The following KCND2 variants were observed in gnomAD, a reference collection of about 807,000 sequenced individuals.
KCND2 encodes the protein A-type voltage-gated potassium channel KCND2.
In KCND2, 16 loss-of-function variants were observed where a neutral mutation model predicts 54.4. The observed-to-expected ratio is 0.29, with a 90% CI of 0.20 to 0.45. The LOEUF is 0.45. KCND2 is among the 20% of genes least tolerant of loss of function. The pLI is 1.00. For missense variants in KCND2, 486 were observed against 824.2 expected (o/e 0.59, Z 5.02); for synonymous variants, 317 against 310.7 (o/e 1.02, Z -0.21).
chr7:120,526,995 C>T (rs890949632), intron 1 of KCND2, among the ~76,000 whole-genome samples: 1 of 152,082 alleles, frequency 6.6e-6, no homozygotes, highest in African/African-American at 2.4e-5. Flanking sequence ...TTTTAACTTT[C>T]ATAACCAATA....
chr7:120,354,008 G>C (rs1006718330), intron 1 of KCND2, among the ~76,000 whole-genome samples: 1 of 152,076 alleles, frequency 6.6e-6, no homozygotes, highest in East Asian at 1.9e-4. Context: ...AATATTTTGT[G>C]TGACAAAATG....
chr7:120,326,518 G>A (rs1391380983), intron 1 of KCND2, among the ~76,000 whole-genome samples: 1 of 152,026 alleles, frequency 6.6e-6, no homozygotes, highest in African/African-American at 2.4e-5. Flanking sequence ...GTAAAATCAA[G>A]ACTAATTGGT....
At position 120,359,045 on chromosome 7, in the gene KCND2, G is replaced by A. The variant is rs139096374; in HGVS notation, c.1115+83298G>A. 5.1e-4 allele frequency among the ~76,000 whole-genome samples: 78 copies of A among 152,248 alleles called. No homozygotes were observed. The South Asian group carries it at 0.01, about 20-fold the overall frequency. Reference sequence around the variant, plus strand: ...CCCTTACAGGCCACAGGTGGCATTCGTTGATCTTTATAGTGTGACCCTTCC... The same window carrying A: ...CCCTTACAGGCCACAGGTGGCATTCATTGATCTTTATAGTGTGACCCTTCC... On this transcript the variant is annotated intron_variant, in intron 1 of 5. Transcript: ENST00000331113.
At chr7:120,539,118 T>C (rs1397955569) in intron 1 of KCND2, among the ~76,000 whole-genome samples, 1 of 152,110 alleles carries the variant, frequency 6.6e-6, no homozygotes, top group Non-Finnish European at 1.5e-5. Flanking sequence ...TTATAGCTAA[T>C]AAAGCAACAA....
chr7:120,458,581 A>C (rs1802236387), intron 1 of KCND2, among the ~76,000 whole-genome samples: 2 of 152,186 alleles, frequency 1.3e-5, no homozygotes, highest in Admixed American at 6.5e-5. Flanking sequence ...GGGATGCTCA[A>C]ATACAAAATT....
intron 1 of KCND2, among the ~76,000 whole-genome samples, chr7:120,646,292 GCCTGCCTCCTT>G (rs1488721634): frequency 2.6e-5 from 4 of 152,046 alleles, no homozygotes; most frequent in African/African-American, 9.7e-5. Flanking sequence ...CTTCTCCATG[GCCTGCCTCCTT>G]CCTTTCCATC....
intron 1 of KCND2, among the ~76,000 whole-genome samples, chr7:120,643,913 AT>A (rs1292151211): frequency 1.3e-5 from 2 of 151,094 alleles, no homozygotes; most frequent in Admixed American, 6.6e-5. Context: ...ATATAATAAT[AT>A]TTTTATATGT....
At chr7:120,674,439 G>A (rs1050953327) in intron 1 of KCND2, among the ~76,000 whole-genome samples, 6 of 150,106 alleles carry the variant, frequency 4.0e-5, no homozygotes, top group Non-Finnish European at 9.0e-5. Flanking sequence ...GTATCCTGAG[G>A]GTCCGGTATG....
chr7:120,479,810 A>C (rs1055270242), intron 1 of KCND2, among the ~76,000 whole-genome samples: 16 of 149,586 alleles, frequency 1.1e-4, no homozygotes, highest in Non-Finnish European at 1.9e-4. Flanking sequence ...AAAAAAAAAA[A>C]AAAAAAAAAT....
chr7:120,297,814 T>C (rs1799532029), intron 1 of KCND2, among the ~76,000 whole-genome samples: 2 of 152,166 alleles, frequency 1.3e-5, no homozygotes, highest in East Asian at 1.9e-4. Flanking sequence ...TTATGTTTGT[T>C]CTGTTGAGTA....
rs545250821 is a variant in KCND2, at chr7:120,549,164, C to T, written c.1116-183739C>T. On this transcript the variant is annotated intron_variant, in intron 1 of 5. Coordinates refer to ENST00000331113, the MANE Select transcript of KCND2 (RefSeq NM_012281.3). ...TGAAGAGAAAGCAGAAGTTGCACAT[C>T]GGATTTAGATGTGGAAATTTTGAAA... Among the ~76,000 whole-genome samples the T allele has an allele frequency of 2.8e-4, 42 of 152,060 alleles. 1 individual carries two copies. The South Asian group carries it at 3.1e-3, about 11-fold the overall frequency.
intron 1 of KCND2, among the ~76,000 whole-genome samples, chr7:120,585,719 A>G (rs1178139179): frequency 1.3e-5 from 2 of 152,212 alleles, no homozygotes; most frequent in African/African-American, 2.4e-5. Context: ...GGGCCAGGGC[A>G]CTAAAGAGAA....
At chr7:120,661,208 A>T (rs1791861370) in intron 1 of KCND2, among the ~76,000 whole-genome samples, 1 of 152,098 alleles carries the variant, frequency 6.6e-6, no homozygotes, top group African/African-American at 2.4e-5. Flanking sequence ...TGAGACCAAA[A>T]CCTCTATTTC....
intron 1 of KCND2, among the ~76,000 whole-genome samples, chr7:120,490,850 G>A (rs778591896): frequency 1.3e-5 from 2 of 152,078 alleles, no homozygotes; most frequent in Non-Finnish European, 2.9e-5. Flanking sequence ...GTCAGCACCT[G>A]GTACAAAATT....
In KCND2 at chr7:120,391,577, T is replaced by A. The variant is rs140287205; in HGVS notation, c.1115+115830T>A. Among the ~76,000 whole-genome samples, 153 of 152,262 alleles carry A rather than the reference T, an allele frequency of 1.0e-3. 1 individual carries two copies. Among genetic ancestry groups the A allele is most frequent in the African/African-American group, 3.6e-3 (150 of 41,564 alleles). On this transcript the variant is annotated intron_variant, in intron 1 of 5. Transcript: ENST00000331113. ...ATTTCTCCGCAACCTCGTCAGCATCTGTTGTTTCCAGACTTTTGAATGATC... is the reference window on the plus strand; with the variant it reads ...ATTTCTCCGCAACCTCGTCAGCATCAGTTGTTTCCAGACTTTTGAATGATC...
chr7:120,547,385 C>T (rs1372364240), intron 1 of KCND2, among the ~76,000 whole-genome samples: 1 of 151,840 alleles, frequency 6.6e-6, no homozygotes, highest in African/African-American at 2.4e-5. Flanking sequence ...CTGTAAAAGT[C>T]GGTTTTTGTA....
intron 1 of KCND2, among the ~76,000 whole-genome samples, chr7:120,352,495 CACAA>C (rs1800429173): frequency 1.6e-5 from 2 of 122,306 alleles, no homozygotes; most frequent in Admixed American, 8.8e-5. Context: ...CACACACACA[CACAA>C]CATTCATGAA....
chr7:120,378,304 C>A (rs1800865349), intron 1 of KCND2, among the ~76,000 whole-genome samples: 1 of 151,780 alleles, frequency 6.6e-6, no homozygotes, highest in South Asian at 2.1e-4. Context: ...CATGAAAAAC[C>A]AAGTATGATA....
intron 1 of KCND2, among the ~76,000 whole-genome samples, chr7:120,539,525 A>G (rs1390204138): frequency 1.3e-5 from 2 of 152,202 alleles, no homozygotes; most frequent in African/African-American, 4.8e-5. Flanking sequence ...TCTCCACGGC[A>G]CTTGCTGGCG....
Sources: gnomAD v4.1 joint callset for allele counts (sites outside exome capture counted in the v4.1 genomes callset) on GRCh38, gnomAD v4.1.1 for gene constraint, MANE v1.5 for transcripts, NCBI Gene and HGNC (gene_info 2026-07-23, HGNC 2026-07-21) for gene names.